GAREM1: variants seen among roughly 807,000 people sequenced by gnomAD.
The protein encoded by GAREM1 is GRB2-associated and regulator of MAPK protein 1.
Under a neutral mutation model 71.3 loss-of-function variants are expected in GAREM1, and 26 were observed. The ratio of observed to expected loss-of-function variants is 0.36; its 90% confidence interval spans 0.27 to 0.51. GAREM1 has a LOEUF of 0.51. Among genes scored for constraint, GAREM1 ranks in the 20% least tolerant of loss-of-function variants. The probability of loss-of-function intolerance (pLI) is 0.95; values close to 1 mark genes in which losing one functional copy is unlikely to be tolerated. For missense variants in GAREM1, 1,026 were observed against 1,103.1 expected, an observed-to-expected ratio of 0.93 and a Z score of 0.99; for synonymous variants, 440 against 433.2, an observed-to-expected ratio of 1.02 and a Z score of -0.20.
intron 1 of GAREM1, among the ~76,000 whole-genome samples, chr18:32,401,439 T>C (rs1281272579): frequency 6.7e-6 from 1 of 148,716 alleles, no homozygotes; most frequent in Non-Finnish European, 1.5e-5. Context: ...TTCCAGATAA[T>C]GGTCTTAAAA....
At chr18:32,344,801 C>T (rs1447540321) in intron 2 of GAREM1, among the ~76,000 whole-genome samples, 1 of 152,148 alleles carries the variant, frequency 6.6e-6, no homozygotes, top group East Asian at 1.9e-4. Flanking sequence ...GTGGCTCACG[C>T]CTATAATCCC....
chr18:32,308,479 A>G (rs1260373622), intron 3 of GAREM1, among the ~76,000 whole-genome samples: 4 of 150,300 alleles, frequency 2.7e-5, no homozygotes, highest in Admixed American at 6.6e-5. Context: ...TAGCAAATGA[A>G]ATATTTTTCT....
intron 2 of GAREM1, among the ~76,000 whole-genome samples, chr18:32,355,658 T>C (rs1490508542): frequency 6.6e-6 from 1 of 152,190 alleles, no homozygotes; most frequent in Non-Finnish European, 1.5e-5. Flanking sequence ...CGGGGGAACT[T>C]GGACTTTTTT....
chr18:32,319,375 T>C (rs1362321899), intron 2 of GAREM1, among the ~76,000 whole-genome samples: 3 of 152,230 alleles, frequency 2.0e-5, no homozygotes, highest in Non-Finnish European at 2.9e-5. Context: ...TATGTATGCA[T>C]GTAAGCTAGA....
In GAREM1 at chr18:32,352,797, G is replaced by A. The variant is rs181330644; in HGVS notation, c.262+40098C>T. Among the ~76,000 whole-genome samples the A allele has an allele frequency of 1.5e-3, 233 of 152,276 alleles. 1 individual carries two copies. The highest frequency in any genetic ancestry group is 5.3e-3 in the African/African-American group (222 of 41,552). On this transcript the variant is annotated intron_variant, in intron 2 of 5. Transcript: ENST00000269209. ...CATGGAAGAAGGGTTTAAGGAGGATGGGGCTAGAGGGGAGAGAATTCTGGG... is the reference window on the plus strand; with the variant it reads ...CATGGAAGAAGGGTTTAAGGAGGATAGGGCTAGAGGGGAGAGAATTCTGGG...
chr18:32,440,874 C>T (rs1170362901), intron 1 of GAREM1, among the ~76,000 whole-genome samples: 3 of 152,172 alleles, frequency 2.0e-5, no homozygotes, highest in Non-Finnish European at 2.9e-5. Flanking sequence ...GAAATACCTT[C>T]GTTTATTTCA....
At chr18:32,411,944 CAAAA>C in intron 1 of GAREM1, among the ~76,000 whole-genome samples, 1 of 141,400 alleles carries the variant, frequency 7.1e-6, no homozygotes, top group African/African-American at 2.6e-5. Flanking sequence ...AGCATGGGTG[CAAAA>C]AAAAAAAATC....
intron 3 of GAREM1, chr18:32,290,413 T>A (rs1016296414): frequency 1.3e-5 from 2 of 151,902 alleles, no homozygotes; most frequent in East Asian, 1.9e-4. Flanking sequence ...ATCTCTAATA[T>A]ACAAGCAGCT....
rs1459710280 is a variant in GAREM1, at chr18:32,266,312, G to C, written c.*1559C>G. The C allele has an allele frequency of 6.6e-6, 1 of 152,098 alleles. No individual in the cohort carries two copies. The highest frequency in any genetic ancestry group is 1.5e-5 in the Non-Finnish European group (1 of 68,018). The allele number at this position is 152,098 out of a possible 1,614,324, so 9.4% of individuals were successfully genotyped here. ...AATTTATTTTTTTATTTTGGTAGCA[G>C]GAAGAGATGGTAAGATATAAGTCCA... On this transcript the variant is annotated 3_prime_UTR_variant, in exon 6 of 6. Transcript: ENST00000269209.
At chr18:32,413,609 A>C (rs2048440613) in intron 1 of GAREM1, among the ~76,000 whole-genome samples, 1 of 152,184 alleles carries the variant, frequency 6.6e-6, no homozygotes, top group Non-Finnish European at 1.5e-5. Flanking sequence ...ATAAGCAAAC[A>C]CTAAAAAACC....
intron 2 of GAREM1, among the ~76,000 whole-genome samples, chr18:32,336,180 T>C (rs7239218): frequency 0.32 from 48,942 of 151,876 alleles, 9,062 homozygotes; most frequent in African/African-American, 0.52. Context: ...CCTGTAATCC[T>C]AGCACTTTGG....
chr18:32,364,118 T>G (rs1257905651), intron 2 of GAREM1, among the ~76,000 whole-genome samples: 3 of 138,714 alleles, frequency 2.2e-5, no homozygotes, highest in Non-Finnish European at 4.6e-5. Flanking sequence ...CACTGCAACC[T>G]CCACCTCCCA....
intron 2 of GAREM1, among the ~76,000 whole-genome samples, chr18:32,337,370 T>C (rs1381994871): frequency 6.6e-6 from 1 of 152,178 alleles, no homozygotes; most frequent in Non-Finnish European, 1.5e-5. Flanking sequence ...GACAATTCTT[T>C]GAAAAGTTAC....
intron 1 of GAREM1, among the ~76,000 whole-genome samples, chr18:32,397,285 C>G (rs993298635): frequency 1.2e-4 from 19 of 152,148 alleles, no homozygotes; most frequent in Admixed American, 1.2e-3. Context: ...ATGACAGGAT[C>G]AAATTCACAT....
intron 1 of GAREM1, among the ~76,000 whole-genome samples, chr18:32,439,913 G>C (rs1439965776): frequency 6.6e-6 from 1 of 152,152 alleles, no homozygotes. Flanking sequence ...GAAGGTGCCA[G>C]CACTGCCTCC....
intron 1 of GAREM1, among the ~76,000 whole-genome samples, chr18:32,437,417 G>C (rs1004226964): frequency 1.3e-5 from 2 of 152,160 alleles, no homozygotes; most frequent in African/African-American, 4.8e-5. Flanking sequence ...TGTAAAAACT[G>C]TAACTGAAAT....
chr18:32,323,146 T>C (rs984449013), intron 2 of GAREM1, among the ~76,000 whole-genome samples: 1 of 152,216 alleles, frequency 6.6e-6, no homozygotes, highest in Non-Finnish European at 1.5e-5. Flanking sequence ...CAACTTTTAA[T>C]GGTTTTTAAT....
chr18:32,396,777 CA>C (rs1207704071), intron 1 of GAREM1, among the ~76,000 whole-genome samples: 2 of 151,976 alleles, frequency 1.3e-5, no homozygotes, highest in South Asian at 2.1e-4. Flanking sequence ...CAAGGCCGGC[CA>C]ACATTCAAAT....
chr18:32,284,962 G>T (rs2046997646), intron 4 of GAREM1, among the ~76,000 whole-genome samples: 1 of 151,930 alleles, frequency 6.6e-6, no homozygotes, highest in African/African-American at 2.4e-5. Context: ...TGTTAGCCAG[G>T]ATGGTCTCGA....
Sources: allele counts gnomAD v4.1 joint callset (sites outside exome capture counted in the v4.1 genomes callset), GRCh38; gene constraint gnomAD v4.1.1; transcripts MANE v1.5; gene names NCBI Gene and HGNC (gene_info 2026-07-23, HGNC 2026-07-21).